The following COL5A1 variants were observed in gnomAD, a reference collection of about 807,000 sequenced individuals.
The protein encoded by COL5A1 is collagen alpha-1(V) chain.
COL5A1 carries 16 observed loss-of-function variants against 263.7 expected under a neutral mutation model. That is an observed-to-expected ratio of 0.06 (90% confidence interval 0.04 to 0.09). COL5A1 has a LOEUF of 0.09. COL5A1 is among the 10% of genes least tolerant of loss of function. The pLI, the probability that COL5A1 is intolerant of heterozygous loss-of-function variation, is 1.00. For synonymous variants in COL5A1, 1,012 were observed against 1,004.5 expected, an observed-to-expected ratio of 1.01 and a Z score of -0.14; for missense variants, 2,036 against 2,540.5, an observed-to-expected ratio of 0.80 and a Z score of 4.27.
intron 4 of COL5A1, among the ~76,000 whole-genome samples, chr9:134,722,288 C>T (rs1834491916): frequency 6.6e-6 from 1 of 152,210 alleles, no homozygotes; most frequent in African/African-American, 2.4e-5. Flanking sequence ...GCCAGGTCAG[C>T]CTGGGATCAG....
chr9:134,760,200 C>T, intron 18 of COL5A1, among the ~76,000 whole-genome samples: 5 of 138,010 alleles, frequency 3.6e-5, no homozygotes, highest in East Asian at 4.4e-4. Context: ...CACACCCCCA[C>T]ACTCATACAC....
At chr9:134,708,423 G>C (rs1159117011) in intron 4 of COL5A1, 4 of 379,410 alleles carry the variant, frequency 1.1e-5, no homozygotes, top group East Asian at 6.4e-5. Context: ...AACTCCCGGG[G>C]TGGGGGCTCT....
chr9:134,823,068 G>A (rs1839086605), intron 60 of COL5A1, 35 bp downstream of exon 60: 5 of 1,613,350 alleles, frequency 3.1e-6, no homozygotes, highest in Non-Finnish European at 1.7e-6. Flanking sequence ...GCCAATGCCT[G>A]GAAGGTAGGG....
chr9:134,767,136 G>T, intron 23 of COL5A1, 83 bp downstream of exon 23: 1 of 1,519,424 alleles, frequency 6.6e-7, no homozygotes, highest in East Asian at 2.3e-5. Flanking sequence ...GGGAGGAAGC[G>T]GGGAGCTCTG....
chr9:134,767,130 G>A, intron 23 of COL5A1, 77 bp downstream of exon 23: 1 of 1,536,260 alleles, frequency 6.5e-7, no homozygotes, highest in Non-Finnish European at 9.0e-7. Flanking sequence ...AGCCCTGGGA[G>A]GAAGCGGGGA....
At chr9:134,759,204 C>A (rs999549770) in intron 18 of COL5A1, among the ~76,000 whole-genome samples, 1 of 149,572 alleles carries the variant, frequency 6.7e-6, no homozygotes, top group East Asian at 2.0e-4. Flanking sequence ...TGAGTGCACA[C>A]CCCCCATGCA....
chr9:134,836,617 C>T (rs1318207159), intron 65 of COL5A1, among the ~76,000 whole-genome samples: 1 of 152,210 alleles, frequency 6.6e-6, no homozygotes, highest in African/African-American at 2.4e-5. Flanking sequence ...AGGGTGGTGC[C>T]GACTGAGAGT....
chr9:134,806,617 G>T (rs1168160600), intron 42 of COL5A1, among the ~76,000 whole-genome samples: 1 of 152,182 alleles, frequency 6.6e-6, no homozygotes, highest in East Asian at 1.9e-4. Flanking sequence ...GTGGACAGAG[G>T]AAGGGGCCGA....
intron 27 of COL5A1, among the ~76,000 whole-genome samples, chr9:134,778,221 G>C (rs35359214): frequency 6.6e-6 from 1 of 152,180 alleles, no homozygotes; most frequent in Non-Finnish European, 1.5e-5. Context: ...TTGGAAGAAG[G>C]CATCTGCTAG....
At chr9:134,832,341 G>C (rs1376892823) in intron 64 of COL5A1, among the ~76,000 whole-genome samples, 1 of 152,188 alleles carries the variant, frequency 6.6e-6, no homozygotes, top group Non-Finnish European at 1.5e-5. Context: ...AGGAGGCAGA[G>C]GTTGCAGTGA....
intron 4 of COL5A1, among the ~76,000 whole-genome samples, chr9:134,720,203 G>C (rs1408175182): frequency 6.6e-6 from 1 of 152,134 alleles, no homozygotes; most frequent in African/African-American, 2.4e-5. Flanking sequence ...GGTCTCTCTG[G>C]GGTTTCTTTG....
Position 134,842,367 on chromosome 9 carries a change from T to A in COL5A1, c.*64T>A. 1.3e-6 allele frequency: 2 copies of A among 1,593,274 alleles called. No homozygotes were observed. Among genetic ancestry groups the A allele is most frequent in the South Asian group, 2.2e-5 (2 of 89,850 alleles). ...CCTCAGCATGCCATTCGTTCGTGAGTGTCCCGTGCACGTCCTGACCCTGGA... is the reference window on the plus strand; with the variant it reads ...CCTCAGCATGCCATTCGTTCGTGAGAGTCCCGTGCACGTCCTGACCCTGGA... On this transcript the variant is annotated 3_prime_UTR_variant, in exon 66 of 66. Coordinates refer to ENST00000371817, the MANE Select transcript of COL5A1 (RefSeq NM_000093.5). The surrounding 1 kb of genome is among the most constrained non-coding windows in gnomAD (Gnocchi z 5.8).
At chr9:134,702,750 C>T (rs1833716956) in intron 4 of COL5A1, among the ~76,000 whole-genome samples, 1 of 152,212 alleles carries the variant, frequency 6.6e-6, no homozygotes, top group Non-Finnish European at 1.5e-5. Context: ...GAGTGCTGGC[C>T]TCAGGGCAAG....
In COL5A1 at chr9:134,701,351, C is replaced by T. The variant is rs1307869013; in HGVS notation, c.654+18C>T. On this transcript the variant is annotated intron_variant, in intron 4 of 65. Coordinates refer to ENST00000371817, the MANE Select transcript of COL5A1 (RefSeq NM_000093.5). The stretch of plus-strand genomic sequence containing the variant: ...TGTTTGAGGTGAGCAGGAGGGCAGA[C>T]CAACCCCTGTGCCCACCAGGGCACT... 1 of 1,611,896 alleles carries T rather than the reference C, an allele frequency of 6.2e-7. No individual in the cohort carries two copies. Among genetic ancestry groups the T allele is most frequent in the Non-Finnish European group, 8.5e-7 (1 of 1,179,074 alleles).
intron 4 of COL5A1, among the ~76,000 whole-genome samples, chr9:134,710,201 C>T (rs3128590): frequency 1.3e-5 from 2 of 152,112 alleles, no homozygotes; most frequent in South Asian, 4.1e-4. Context: ...CGGTGCGGCC[C>T]GCCCCGTGCT....
intron 29 of COL5A1, among the ~76,000 whole-genome samples, chr9:134,783,878 G>A (rs543026542): frequency 1.1e-4 from 16 of 152,310 alleles, no homozygotes; most frequent in South Asian, 6.2e-4. Flanking sequence ...GCGGCTTCTC[G>A]GTTTGATGGT....
Position 134,700,088 on chromosome 9 carries a change from C to G in COL5A1, c.457C>G (p.Pro153Ala). The G allele has an allele frequency of 1.9e-6, 3 of 1,610,040 alleles. No homozygotes were observed. The East Asian group carries it at 6.7e-5, about 36-fold the overall frequency. The change falls in exon 3 of 66, where the codon CCC becomes GCC. Residue 153 changes from proline to alanine, a missense_variant. Physicochemically the swap from Pro to Ala is conservative, Grantham distance 27. This residue lies in a region of COL5A1 where 600 missense variants were observed against 634.5 expected (regional missense o/e 0.95). Coordinates refer to ENST00000371817, the MANE Select transcript of COL5A1 (RefSeq NM_000093.5). This position sits in a 1 kb window ranked among gnomAD's most constrained non-coding sequence, Gnocchi z 4.0. ...GGGGAAGCCTGGCCCGGAAGACTAC[C>G]CCCTCTTCCGGGGCATCAACCTGTC... Reference protein sequence around the residue: ...HTGKPGPEDYPLFRGINLSDG... With the variant: ...HTGKPGPEDYALFRGINLSDG...
At chr9:134,806,089 G>C (rs1838285953) in intron 41 of COL5A1, 100 bp from the exon 42 acceptor site, 2 of 875,938 alleles carry the variant, frequency 2.3e-6, no homozygotes, top group Non-Finnish European at 3.8e-6. Flanking sequence ...GTGGGCTCTA[G>C]AGTGAGCAGG....
intron 4 of COL5A1, among the ~76,000 whole-genome samples, chr9:134,721,502 G>A (rs1588470519): frequency 6.6e-6 from 1 of 152,306 alleles, no homozygotes; most frequent in South Asian, 2.1e-4. Flanking sequence ...CGAGGGCAGA[G>A]CTGGAAGTCC....
Sources: gnomAD v4.1 joint callset for allele counts (sites outside exome capture counted in the v4.1 genomes callset) on GRCh38, gnomAD v4.1.1 for gene constraint, gnomAD v4.1.1 regional missense constraint, Gnocchi (gnomAD v3.1) non-coding constraint, MANE v1.5 for transcripts, NCBI Gene and HGNC (gene_info 2026-07-23, HGNC 2026-07-21) for gene names.